Variants in KCNT2 observed in about 807,000 individuals in gnomAD.
KCNT2 encodes potassium channel subfamily T member 2.
A neutral mutation model predicts 153.8 loss-of-function variants in KCNT2; 67 were observed. That is an observed-to-expected ratio of 0.44 (90% CI 0.36 to 0.53). The LOEUF is 0.53. Among genes scored for constraint, KCNT2 ranks in the 20% least tolerant of loss-of-function variants. The pLI, the probability that KCNT2 is intolerant of heterozygous loss-of-function variation, is 0.00. For missense variants in KCNT2, 975 were observed against 1,354.8 expected (o/e 0.72, Z 4.40); for synonymous variants, 500 against 458.8 (o/e 1.09, Z -1.15).
At position 196,258,258 on chromosome 1, in the gene KCNT2, T is replaced by C; in HGVS notation, c.3147A>G (p.Arg1049=). Residue 1049 remains arginine (R), a synonymous_variant, in exon 26 of 28, where the codon AGA becomes AGG. Coordinates refer to ENST00000294725, the MANE Select transcript of KCNT2 (RefSeq NM_198503.5). The part of the protein sequence containing the change: ...QRLNLYRRSE[R]QELAELVKNR... ...TTTTCACAAGTTCAGCAAGCTCTTG[T>C]CTTTCTGACCTCCTGTAGAGGTTCA... The C allele has an allele frequency of 6.2e-7, 1 of 1,614,112 alleles. No individual in the cohort carries two copies. Among genetic ancestry groups the C allele is most frequent in the Non-Finnish European group, 8.5e-7 (1 of 1,179,970 alleles).
chr1:196,261,983 T>C (rs1261709883), intron 25 of KCNT2, among the ~76,000 whole-genome samples: 9 of 151,886 alleles, frequency 5.9e-5, no homozygotes, highest in Non-Finnish European at 1.3e-4. Context: ...AAATTTAAAA[T>C]ATTATCATTT....
rs200145482 is a variant in KCNT2 at position 196,592,525 on chromosome 1, TAA to T, written c.95+15688_95+15689del. On this transcript the variant is annotated intron_variant, in intron 1 of 27. Transcript: ENST00000294725. ...AACTATATATAAATATATTAATATA[TAA>T]CTTTCTAACTATATATAAATATATA... is the stretch of plus-strand genomic sequence containing the variant. Among the ~76,000 whole-genome samples the T allele has an allele frequency of 4.9e-3, 727 of 147,586 alleles. 3 individuals are homozygous for T. Among genetic ancestry groups the T allele is most frequent in the African/African-American group, 0.016 (663 of 40,832 alleles).
intron 8 of KCNT2, among the ~76,000 whole-genome samples, chr1:196,462,061 T>C (rs1677200902): frequency 1.3e-5 from 2 of 151,726 alleles, no homozygotes; most frequent in Non-Finnish European, 1.5e-5. Flanking sequence ...TTCTGACATG[T>C]CCTATGGTTC....
At chr1:196,250,809 A>G (rs1184607263) in intron 26 of KCNT2, among the ~76,000 whole-genome samples, 3 of 152,164 alleles carry the variant, frequency 2.0e-5, no homozygotes, top group Non-Finnish European at 2.9e-5. Flanking sequence ...AAAATGGGCA[A>G]AAGAGATGAA....
intron 13 of KCNT2, among the ~76,000 whole-genome samples, chr1:196,387,598 T>G (rs1670104807): frequency 6.6e-6 from 1 of 151,952 alleles, no homozygotes; most frequent in Non-Finnish European, 1.5e-5. Context: ...TAAGAATCCT[T>G]TTAATGTTTG....
chr1:196,549,599 A>G (rs1657619479), intron 1 of KCNT2, among the ~76,000 whole-genome samples: 1 of 151,834 alleles, frequency 6.6e-6, no homozygotes, highest in Non-Finnish European at 1.5e-5. Flanking sequence ...CTCAACCAAC[A>G]TCAGAATCTG....
chr1:196,369,309 T>C (rs919717220), intron 14 of KCNT2, among the ~76,000 whole-genome samples: 8 of 151,918 alleles, frequency 5.3e-5, no homozygotes, highest in African/African-American at 1.7e-4. Context: ...AAGAATAAAT[T>C]TTTTTTTATT....
Position 196,509,247 on chromosome 1 carries a change from C to CA in KCNT2, c.96-16907dup, listed in dbSNP as rs1195974396. Among the ~76,000 whole-genome samples the CA allele has an allele frequency of 8.4e-4, 51 of 61,028 alleles. 1 individual carries two copies. The highest frequency in any genetic ancestry group is 1.9e-3 in the East Asian group (4 of 2,102). 40.0% of individuals were successfully genotyped at this position (61,028 alleles called of 152,430 possible). A position where few individuals can be genotyped will look rare whatever the true frequency, so the allele number is the denominator to read the frequency against. On this transcript the variant is annotated intron_variant, in intron 1 of 27. Transcript: ENST00000294725. ...TAGTGCCACTGCCCTCCAGCCGGGG[C>CA]AAAAAAAAAGCGAAACTCCGAAAAA...
chr1:196,546,493 G>A (rs1657122645), intron 1 of KCNT2, among the ~76,000 whole-genome samples: 1 of 151,978 alleles, frequency 6.6e-6, no homozygotes, highest in Non-Finnish European at 1.5e-5. Context: ...AACACTGAGT[G>A]CTTTCTAAGT....
intron 14 of KCNT2, among the ~76,000 whole-genome samples, chr1:196,368,337 T>A (rs1283334076): frequency 6.6e-6 from 1 of 152,166 alleles, no homozygotes; most frequent in Non-Finnish European, 1.5e-5. Flanking sequence ...TAGTGGTACT[T>A]AAAATTTAAA....
intron 1 of KCNT2, among the ~76,000 whole-genome samples, chr1:196,493,685 C>T (rs1247701405): frequency 1.3e-5 from 2 of 152,096 alleles, no homozygotes; most frequent in Non-Finnish European, 2.9e-5. Context: ...GGTATTTCTC[C>T]TAATGCTATC....
At position 196,261,610 on chromosome 1, in the gene KCNT2, TTTCTC is replaced by T. The variant is rs1318967436; in HGVS notation, c.2911-3121_2911-3117del. ...GAATCATTCATATTTTGGGTGCACT[TTTCTC>T]TATCACTAGACTTCTGAATAAATCA... On this transcript the variant is annotated intron_variant, in intron 25 of 27. Coordinates refer to ENST00000294725, the MANE Select transcript of KCNT2 (RefSeq NM_198503.5). 3.3e-5 allele frequency among the ~76,000 whole-genome samples: 5 copies of T among 152,088 alleles called. No individual in the cohort carries two copies. In the East Asian group the frequency reaches 9.7e-4, roughly 29 times the overall value.
intron 12 of KCNT2, among the ~76,000 whole-genome samples, chr1:196,414,432 A>T (rs1234139753): frequency 6.6e-6 from 1 of 151,836 alleles, no homozygotes; most frequent in Non-Finnish European, 1.5e-5. Context: ...TCACATTGTT[A>T]TTCTTGGAAT....
At chr1:196,525,692 A>G (rs1394482339) in intron 1 of KCNT2, among the ~76,000 whole-genome samples, 1 of 152,236 alleles carries the variant, frequency 6.6e-6, no homozygotes, top group Non-Finnish European at 1.5e-5. Context: ...CAAAAAAAGC[A>G]CAGTAGGCAG....
At chr1:196,322,409 C>CA (rs1265566896) in intron 19 of KCNT2, among the ~76,000 whole-genome samples, 1 of 151,140 alleles carries the variant, frequency 6.6e-6, no homozygotes, top group South Asian at 2.1e-4. Flanking sequence ...CGAAACAAAA[C>CA]AAAAAAACAC....
At chr1:196,400,645 G>A (rs1319096781) in intron 12 of KCNT2, among the ~76,000 whole-genome samples, 2 of 151,658 alleles carry the variant, frequency 1.3e-5, no homozygotes, top group African/African-American at 2.4e-5. Context: ...GAATTTCTTA[G>A]GAAAAATTTA....
chr1:196,264,278 G>A (rs1657308254), intron 25 of KCNT2, among the ~76,000 whole-genome samples: 3 of 152,100 alleles, frequency 2.0e-5, no homozygotes, highest in Non-Finnish European at 4.4e-5. Flanking sequence ...AGAACAAATT[G>A]AGAGGGGACT....
At chr1:196,569,762 C>T (rs78023495) in intron 1 of KCNT2, among the ~76,000 whole-genome samples, 1 of 152,102 alleles carries the variant, frequency 6.6e-6, no homozygotes, top group Non-Finnish European at 1.5e-5. Context: ...AGCCCTCATA[C>T]TGCAAGTCCC....
chr1:196,398,657 A>T lies in KCNT2; in HGVS notation c.1200T>A (p.Ile400=). Residue 400 remains isoleucine, a synonymous_variant, in exon 13 of 28, where the codon ATT becomes ATA. Coordinates refer to ENST00000294725, the MANE Select transcript of KCNT2 (RefSeq NM_198503.5). Reference sequence around the variant, plus strand: ...AATCTTTCACAGCCCATGCTCTCAAAATTGTTTGGTGATCCTGAAGTGATC... The same window carrying T: ...AATCTTTCACAGCCCATGCTCTCAATATTGTTTGGTGATCCTGAAGTGATC... ...VDRTSSDHQT[I]LRAWAVKDFA... 3 of 1,597,022 alleles carry T rather than the reference A, an allele frequency of 1.9e-6. No individual in the cohort carries two copies. Among genetic ancestry groups the T allele is most frequent in the Non-Finnish European group, 2.6e-6 (3 of 1,165,978 alleles).
Sources: gnomAD v4.1 joint callset for allele counts (sites outside exome capture counted in the v4.1 genomes callset) on GRCh38, gnomAD v4.1.1 for gene constraint, MANE v1.5 for transcripts, NCBI Gene and HGNC (gene_info 2026-07-23, HGNC 2026-07-21) for gene names.